The following NEBL variants were observed in gnomAD, a reference collection of about 807,000 sequenced individuals.
NEBL encodes LIM and SH3 protein 2.
A neutral mutation model predicts 140.2 loss-of-function variants in NEBL; 122 were observed. The ratio of observed to expected loss-of-function variants is 0.87; its 90% CI spans 0.75 to 1.01. The LOEUF is 1.01. NEBL is among the 50% of genes least tolerant of loss of function. The probability of loss-of-function intolerance (pLI) is 0.00; values close to 1 mark genes in which losing one functional copy is unlikely to be tolerated. For missense variants in NEBL, 1,365 were observed against 1,231.3 expected (o/e 1.11, Z -1.62); for synonymous variants, 436 against 398.9 (o/e 1.09, Z -1.11).
intron 4 of NEBL, among the ~76,000 whole-genome samples, chr10:20,923,101 C>T (rs910934437): frequency 2.0e-5 from 3 of 152,052 alleles, no homozygotes; most frequent in African/African-American, 7.2e-5. Flanking sequence ...CAGGGTCTCG[C>T]TCTGTCACCC....
At chr10:21,011,463 T>C (rs1043020521) in intron 3 of NEBL, among the ~76,000 whole-genome samples, 9 of 152,202 alleles carry the variant, frequency 5.9e-5, no homozygotes, top group African/African-American at 2.2e-4. Flanking sequence ...TCAGCTTAGG[T>C]CAATTCCCAT....
chr10:20,845,566 G>A (rs1841847309), intron 11 of NEBL, 198 bp from the exon 12 acceptor site: 2 of 529,012 alleles, frequency 3.8e-6, no homozygotes, highest in Admixed American at 3.2e-5. Flanking sequence ...GAATTATTAA[G>A]TGGACTCTTC....
chr10:21,029,691 C>G, intron 2 of NEBL: 2 of 1,054,772 alleles, frequency 1.9e-6, no homozygotes, highest in Non-Finnish European at 3.0e-6. Flanking sequence ...ATGATTCAGA[C>G]CAGTCTGGCC....
At chr10:21,208,329 G>T (rs1277603934) in intron 3 of NEBL, among the ~76,000 whole-genome samples, 2 of 152,124 alleles carry the variant, frequency 1.3e-5, no homozygotes, top group Non-Finnish European at 2.9e-5. Flanking sequence ...GTCTCATAAT[G>T]TGCAAGTTGT....
At chr10:20,908,261 G>C (rs548003753) in intron 4 of NEBL, among the ~76,000 whole-genome samples, 10 of 152,326 alleles carry the variant, frequency 6.6e-5, no homozygotes, top group African/African-American at 2.4e-4. Flanking sequence ...AAATCTGCTA[G>C]GCCATAGGGC....
chr10:21,057,192 A>T (rs1282542644), intron 2 of NEBL, among the ~76,000 whole-genome samples: 1 of 152,248 alleles, frequency 6.6e-6, no homozygotes, highest in East Asian at 1.9e-4. Flanking sequence ...TTAAAATAAC[A>T]GAGAGGTTAT....
chr10:20,951,437 G>A lies in NEBL; in HGVS notation c.357+10235C>T, dbSNP rs147303096. On this transcript the variant is annotated intron_variant, in intron 4 of 6. Transcript: ENST00000417816. ...AATTTTTATGACATAATCCTTCCAG[G>A]AAAATGCAAAGTAAATTAGAGAGCA... Among the ~76,000 whole-genome samples, 680 of 149,786 alleles carry A rather than the reference G, an allele frequency of 4.5e-3. 6 individuals carry two copies. Among genetic ancestry groups the A allele is most frequent in the African/African-American group, 0.016 (649 of 40,896 alleles).
chr10:21,171,153 T>C (rs1224706424), intron 2 of NEBL, among the ~76,000 whole-genome samples: 1 of 151,956 alleles, frequency 6.6e-6, no homozygotes, highest in Non-Finnish European at 1.5e-5. Flanking sequence ...CTGACCAACA[T>C]GGAGAAACCC....
At chr10:20,921,680 T>C (rs1403585150) in intron 4 of NEBL, among the ~76,000 whole-genome samples, 1 of 152,120 alleles carries the variant, frequency 6.6e-6, no homozygotes, top group African/African-American at 2.4e-5. Flanking sequence ...TATTTGCCAA[T>C]AAGTGGGTTT....
chr10:21,094,878 C>A (rs564215152), intron 2 of NEBL, among the ~76,000 whole-genome samples: 37 of 152,278 alleles, frequency 2.4e-4, no homozygotes, highest in Non-Finnish European at 4.9e-4. Context: ...GAGACTAGAA[C>A]CCTCTCGTCA....
At chr10:21,190,819 G>C (rs1225780146) in intron 3 of NEBL, among the ~76,000 whole-genome samples, 2 of 152,184 alleles carry the variant, frequency 1.3e-5, no homozygotes, top group Non-Finnish European at 2.9e-5. Flanking sequence ...TAACCAGCAA[G>C]TACATAAAGC....
chr10:21,077,067 T>C (rs1490305101), intron 2 of NEBL, among the ~76,000 whole-genome samples: 2 of 152,158 alleles, frequency 1.3e-5, no homozygotes, highest in Non-Finnish European at 1.5e-5. Flanking sequence ...TACGTATATC[T>C]TACCACAATT....
chr10:21,093,843 T>C (rs1417911196), intron 2 of NEBL, among the ~76,000 whole-genome samples: 1 of 152,260 alleles, frequency 6.6e-6, no homozygotes, highest in Non-Finnish European at 1.5e-5. Context: ...TTCCTTAGCC[T>C]TCATTGCATG....
intron 2 of NEBL, among the ~76,000 whole-genome samples, chr10:21,059,726 T>A (rs963323679): frequency 7.9e-5 from 12 of 152,218 alleles, no homozygotes; most frequent in African/African-American, 2.9e-4. Context: ...TCATGTAACA[T>A]TAGGAAAATT....
intron 3 of NEBL, among the ~76,000 whole-genome samples, chr10:21,011,311 G>A (rs567699369): frequency 6.6e-5 from 10 of 152,280 alleles, no homozygotes; most frequent in Non-Finnish European, 1.2e-4. Context: ...CGATGTACTC[G>A]TATTCTGATA....
intron 3 of NEBL, among the ~76,000 whole-genome samples, chr10:20,982,685 G>A (rs1290009121): frequency 6.6e-6 from 1 of 152,078 alleles, no homozygotes; most frequent in Non-Finnish European, 1.5e-5. Flanking sequence ...TAATCACTTA[G>A]CATACCATAG....
intron 2 of NEBL, among the ~76,000 whole-genome samples, chr10:21,072,009 G>A (rs746554942): frequency 1.3e-5 from 2 of 151,998 alleles, no homozygotes; most frequent in Admixed American, 6.6e-5. Flanking sequence ...GTAGAGATGG[G>A]GTTTCACCAT....
chr10:20,962,989 A>G (rs578076857), intron 3 of NEBL, among the ~76,000 whole-genome samples: 1 of 138,402 alleles, frequency 7.2e-6, no homozygotes, highest in Non-Finnish European at 1.5e-5. Flanking sequence ...TTTACCAGAC[A>G]AGCTTGAAAG....
chr10:20,822,414 T>G (rs139995138), intron 19 of NEBL, among the ~76,000 whole-genome samples: 15 of 151,886 alleles, frequency 9.9e-5, no homozygotes, highest in African/African-American at 3.6e-4. Flanking sequence ...TATATATTCA[T>G]AGATATCTAT....
Sources: allele counts gnomAD v4.1 joint callset (sites outside exome capture counted in the v4.1 genomes callset), GRCh38; gene constraint gnomAD v4.1.1; transcripts MANE v1.5; gene names NCBI Gene and HGNC (gene_info 2026-07-23, HGNC 2026-07-21).